The following AKAP10 variants were observed in gnomAD, a reference collection of about 807,000 sequenced individuals.
AKAP10 encodes A-kinase anchor protein 10, mitochondrial.
Under a neutral mutation model 80.8 loss-of-function variants are expected in AKAP10, and 24 were observed. That is an observed-to-expected ratio of 0.30 (90% CI 0.22 to 0.42). The LOEUF (loss-of-function observed/expected upper bound fraction) is 0.42. Ranked by LOEUF, AKAP10 falls within the 10% of genes least tolerant of loss-of-function variation. The pLI is 1.00. For missense variants in AKAP10, 661 were observed against 794.9 expected, an observed-to-expected ratio of 0.83 and a Z score of 2.03; for synonymous variants, 291 against 277.7, an observed-to-expected ratio of 1.05 and a Z score of -0.48.
At chr17:19,951,034 G>A (rs1197331418) in intron 4 of AKAP10, among the ~76,000 whole-genome samples, 9 of 150,868 alleles carry the variant, frequency 6.0e-5, no homozygotes, top group South Asian at 4.2e-4. Context: ...GTCTCTGCCC[G>A]GCCGCCCCGT....
chr17:19,954,385 T>C lies in AKAP10; in HGVS notation c.877+3629A>G, dbSNP rs77237581. On this transcript the variant is annotated intron_variant, in intron 4 of 14. Transcript: ENST00000225737. ...ATTAGAACAACTAGACATCCATATG[T>C]AAAAATAAACAAAAAACAAAAAATC... Among the ~76,000 whole-genome samples the C allele has an allele frequency of 2.7e-3, 406 of 151,888 alleles. 15 individuals are homozygous for C. In the East Asian group the frequency reaches 0.074, roughly 28 times the overall value.
At chr17:19,933,290 A>ATTACAGGCG (rs2042958002) in intron 9 of AKAP10, among the ~76,000 whole-genome samples, 1 of 152,194 alleles carries the variant, frequency 6.6e-6, no homozygotes, top group Non-Finnish European at 1.5e-5. Context: ...AAGTGCTAGG[A>ATTACAGGCG]TTACAGGCGT....
At chr17:19,935,372 G>T (rs951592849) in intron 9 of AKAP10, among the ~76,000 whole-genome samples, 2 of 152,186 alleles carry the variant, frequency 1.3e-5, no homozygotes, top group Non-Finnish European at 2.9e-5. Context: ...AGTGGTAAGT[G>T]AATGTGAAGG....
chr17:19,946,123 ACACT>A (rs1402405341), intron 5 of AKAP10, among the ~76,000 whole-genome samples: 35 of 133,892 alleles, frequency 2.6e-4, no homozygotes, highest in Admixed American at 5.7e-4. Flanking sequence ...ATATATACAC[ACACT>A]AATATGTATA....
chr17:19,947,608 T>C, intron 4 of AKAP10, 103 bp from the exon 5 acceptor site: 1 of 824,744 alleles, frequency 1.2e-6, no homozygotes, highest in Non-Finnish European at 2.0e-6. Context: ...GAGTTCCTAT[T>C]GCAAAATAAA....
At chr17:19,960,952 G>A (rs2043341255) in intron 3 of AKAP10, among the ~76,000 whole-genome samples, 1 of 151,836 alleles carries the variant, frequency 6.6e-6, no homozygotes, top group Non-Finnish European at 1.5e-5. Context: ...CTTGAACCTG[G>A]GAGGCGGAGG....
intron 12 of AKAP10, among the ~76,000 whole-genome samples, chr17:19,918,377 T>A (rs2042773176): frequency 6.6e-6 from 1 of 152,118 alleles, no homozygotes; most frequent in Admixed American, 6.5e-5. Context: ...AAACCCTGTC[T>A]CTACTAAAAA....
chr17:19,941,781 C>T (rs534256522), intron 6 of AKAP10, 45 bp downstream of exon 6: 11 of 1,436,432 alleles, frequency 7.7e-6, no homozygotes, highest in Middle Eastern at 1.8e-4. Flanking sequence ...AACAATGAAC[C>T]CAAATTCCCT....
intron 2 of AKAP10, chr17:19,967,877 C>A (rs1400561001): frequency 1.4e-5 from 2 of 146,918 alleles, no homozygotes; most frequent in East Asian, 4.1e-4. Context: ...AGCAAGACTC[C>A]ATCTCAAAAA....
rs1285284335 is a variant in AKAP10, at chr17:19,946,224, ATATATATATATAT to A, written c.976+1170_976+1182del. Reference sequence around the variant, plus strand: ...TATATTTTATATATATATATATTTTATATATATATATATTATATATATATATATATATATATAT... The same window carrying A: ...TATATTTTATATATATATATATTTTATATATATATATATATATATATATAT... On this transcript the variant is annotated intron_variant, in intron 5 of 14. Transcript: ENST00000225737. Among the ~76,000 whole-genome samples, 13 of 10,594 alleles carry A rather than the reference ATATATATATATAT, an allele frequency of 1.2e-3. 1 individual carries two copies. Among genetic ancestry groups the A allele is most frequent in the East Asian group, 2.9e-3 (1 of 344 alleles). The allele number at this position is 10,594 out of a possible 152,430, so 7.0% of individuals were successfully genotyped here.
chr17:19,914,093 G>C (rs1030573969), intron 12 of AKAP10, among the ~76,000 whole-genome samples: 13 of 152,084 alleles, frequency 8.5e-5, no homozygotes, highest in African/African-American at 3.1e-4. Context: ...TCAACCTCCT[G>C]GGCCCAAGCG....
chr17:19,936,115 G>C (rs2042989542), intron 9 of AKAP10, 171 bp downstream of exon 9: 2 of 568,046 alleles, frequency 3.5e-6, no homozygotes, highest in Non-Finnish European at 5.7e-6. Context: ...AAAATGTTAT[G>C]TGGCACGTGA....
intron 8 of AKAP10, among the ~76,000 whole-genome samples, chr17:19,937,475 C>T (rs536062946): frequency 2.8e-4 from 42 of 151,990 alleles, no homozygotes; most frequent in Non-Finnish European, 4.9e-4. Context: ...GCACTCTAGC[C>T]TGGGTGACAG....
intron 1 of AKAP10, 51 bp from the exon 2 acceptor site, chr17:19,968,512 T>C (rs771064422): frequency 4.3e-6 from 6 of 1,409,674 alleles, no homozygotes; most frequent in African/African-American, 1.4e-5. Context: ...AGAGATCCAT[T>C]CTATAACACT....
intron 2 of AKAP10, among the ~76,000 whole-genome samples, chr17:19,967,032 T>G (rs1322288382): frequency 1.3e-5 from 2 of 152,178 alleles, no homozygotes; most frequent in Admixed American, 6.5e-5. Context: ...ATTAGTCTTC[T>G]TCTCCAGCAA....
rs1273995833 is a variant in AKAP10, at chr17:19,919,050, A to G, written c.1834+986T>C. Reference sequence around the variant, plus strand: ...CATTAACTCGTCATTTATATTAGGTATATCTCCTAATGCTATTCCTCCCCC... The same window carrying G: ...CATTAACTCGTCATTTATATTAGGTGTATCTCCTAATGCTATTCCTCCCCC... On this transcript the variant is annotated intron_variant, in intron 12 of 14. Transcript: ENST00000225737. Among the ~76,000 whole-genome samples the G allele has an allele frequency of 5.3e-5, 8 of 152,010 alleles. No homozygotes were observed. The East Asian group carries it at 1.2e-3, about 22-fold the overall frequency.
chr17:19,910,325 C>CAA (rs3031068), intron 12 of AKAP10, among the ~76,000 whole-genome samples: 10 of 90,652 alleles, frequency 1.1e-4, no homozygotes, highest in Admixed American at 1.2e-4. Context: ...GACTCCAACT[C>CAA]AAAAAAAAAA....
intron 12 of AKAP10, among the ~76,000 whole-genome samples, chr17:19,913,657 G>T (rs866514395): frequency 2.0e-5 from 3 of 152,202 alleles, no homozygotes; most frequent in Non-Finnish European, 4.4e-5. Context: ...GCATTAGCTT[G>T]AAAGTGCTAA....
intron 12 of AKAP10, among the ~76,000 whole-genome samples, chr17:19,917,061 G>A (rs546359609): frequency 6.1e-4 from 93 of 151,992 alleles, no homozygotes; most frequent in Middle Eastern, 6.8e-3. Flanking sequence ...TCAGGAGATC[G>A]AGACCATCCT....
Sources: allele counts gnomAD v4.1 joint callset (sites outside exome capture counted in the v4.1 genomes callset), GRCh38; gene constraint gnomAD v4.1.1; transcripts MANE v1.5; gene names NCBI Gene and HGNC (gene_info 2026-07-23, HGNC 2026-07-21).